MPZL1: variants seen among roughly 807,000 people sequenced by gnomAD.
The protein encoded by MPZL1 is myelin protein zero like 1, also known as myelin protein zero-like protein 1.
Under a neutral mutation model 29.3 loss-of-function variants are expected in MPZL1, and 16 were observed. That is an observed-to-expected ratio of 0.55 (90% CI 0.37 to 0.83). MPZL1 has a LOEUF of 0.83. MPZL1 is among the 40% of genes least tolerant of loss of function. The pLI, the probability that MPZL1 is intolerant of heterozygous loss-of-function variation, is 0.00. For synonymous variants in MPZL1, 143 were observed against 132.0 expected, an observed-to-expected ratio of 1.08 and a Z score of -0.57; for missense variants, 279 against 332.9, an observed-to-expected ratio of 0.84 and a Z score of 1.26.
chr1:167,752,566 T>C (rs1660780212), intron 1 of MPZL1, among the ~76,000 whole-genome samples: 1 of 152,220 alleles, frequency 6.6e-6, no homozygotes, highest in Non-Finnish European at 1.5e-5. Flanking sequence ...CAGTTGATAC[T>C]GTCTTTTAAA....
At chr1:167,769,392 T>G (rs538485127) in intron 2 of MPZL1, among the ~76,000 whole-genome samples, 3 of 152,214 alleles carry the variant, frequency 2.0e-5, no homozygotes, top group Non-Finnish European at 4.4e-5. Flanking sequence ...ACATGTCTTC[T>G]GCCCCTTGTA....
intron 5 of MPZL1, among the ~76,000 whole-genome samples, chr1:167,785,269 C>T (rs1259642491): frequency 6.6e-6 from 1 of 152,204 alleles, no homozygotes; most frequent in Non-Finnish European, 1.5e-5. Flanking sequence ...TACAGTCTAA[C>T]CATTGGCAGG....
chr1:167,741,492 A>C (rs1660524404), intron 1 of MPZL1, among the ~76,000 whole-genome samples: 1 of 150,704 alleles, frequency 6.6e-6, no homozygotes, highest in South Asian at 2.1e-4. Context: ...CGCCTGGCTA[A>C]TTTTTGTATT....
chr1:167,731,451 T>C (rs1660268223), intron 1 of MPZL1, among the ~76,000 whole-genome samples: 1 of 150,140 alleles, frequency 6.7e-6, no homozygotes, highest in East Asian at 2.0e-4. Context: ...TTTTTTTTTT[T>C]TTTGAGACGG....
chr1:167,727,282 A>T (rs1196114164), intron 1 of MPZL1, among the ~76,000 whole-genome samples: 1 of 152,216 alleles, frequency 6.6e-6, no homozygotes, highest in Non-Finnish European at 1.5e-5. Context: ...GAGCTAATAT[A>T]GTACAGCCAC....
rs551940750 is a variant in MPZL1, at chr1:167,738,109, A to G, written c.91+15867A>G. On this transcript the variant is annotated intron_variant, in intron 1 of 5. Transcript: ENST00000359523. ...CCCGGCTAATTTTTTGTATTTTTTT[A>G]GAGACGAGGTTCCACCGTGTTAGCT... 1.1e-4 allele frequency among the ~76,000 whole-genome samples: 16 copies of G among 152,060 alleles called. No individual in the cohort carries two copies. The South Asian group carries it at 3.3e-3, about 32-fold the overall frequency.
chr1:167,741,445 C>A (rs1329038281), intron 1 of MPZL1, among the ~76,000 whole-genome samples: 1 of 150,498 alleles, frequency 6.6e-6, no homozygotes, highest in African/African-American at 2.4e-5. Flanking sequence ...TGTGCCTCAG[C>A]CTCCTGAGTA....
chr1:167,760,086 A>G (rs1240315238), intron 1 of MPZL1, among the ~76,000 whole-genome samples: 1 of 152,184 alleles, frequency 6.6e-6, no homozygotes, highest in Non-Finnish European at 1.5e-5. Flanking sequence ...GGAGGCAGAC[A>G]CCAATTAGGA....
intron 1 of MPZL1, among the ~76,000 whole-genome samples, chr1:167,727,301 C>A (rs1208505466): frequency 6.6e-6 from 1 of 152,198 alleles, no homozygotes; most frequent in Non-Finnish European, 1.5e-5. Flanking sequence ...ACAGTCATGT[C>A]TCTACTGGAT....
At chr1:167,773,159 G>T (rs1272278021) in intron 3 of MPZL1, 77 bp from the exon 4 acceptor site, 1 of 1,453,394 alleles carries the variant, frequency 6.9e-7, no homozygotes, top group African/African-American at 1.4e-5. Flanking sequence ...GAAGATACTT[G>T]CTCGTTAATT....
At chr1:167,726,498 G>A (rs1338239950) in intron 1 of MPZL1, among the ~76,000 whole-genome samples, 1 of 152,182 alleles carries the variant, frequency 6.6e-6, no homozygotes, top group Non-Finnish European at 1.5e-5. Context: ...TGAGGCATAG[G>A]CATGTCTTGA....
chr1:167,761,385 A>T (rs562722173), intron 1 of MPZL1, among the ~76,000 whole-genome samples: 2 of 152,350 alleles, frequency 1.3e-5, no homozygotes, highest in East Asian at 3.9e-4. Flanking sequence ...GCAAGAGATG[A>T]GATGCAATGT....
intron 1 of MPZL1, among the ~76,000 whole-genome samples, chr1:167,752,766 C>T (rs3753931): frequency 0.3 from 45,975 of 151,954 alleles, 7,956 homozygotes; most frequent in African/African-American, 0.46. Flanking sequence ...TGACTGGGGT[C>T]AGGCATCCAT....
chr1:167,784,779 C>T (rs1661559192), intron 5 of MPZL1, among the ~76,000 whole-genome samples: 1 of 152,198 alleles, frequency 6.6e-6, no homozygotes, highest in South Asian at 2.1e-4. Flanking sequence ...AAGTCCCTGA[C>T]TTAAGACCTT....
In MPZL1 at chr1:167,787,869, A is replaced by C; in HGVS notation, c.758A>C (p.Asp253Ala). The C allele has an allele frequency of 1.2e-6, 2 of 1,613,928 alleles. No individual in the cohort carries two copies. The highest frequency in any genetic ancestry group is 1.1e-5 in the South Asian group (1 of 91,072). The change falls in exon 6 of 6, where the codon GAC becomes GCC. Residue 253 changes from aspartate to alanine, a missense_variant. By Grantham distance (126) the Asp-to-Ala change is moderately radical (BLOSUM62 -2). Coordinates refer to ENST00000359523, the MANE Select transcript of MPZL1 (RefSeq NM_003953.6). ...QLDHSGGHHS[D>A]KINKSESVVY... ...GACCACTCCGGCGGACATCACAGTG[A>C]CAAGATTAACAAGTCAGAGTCTGTG...
At chr1:167,741,698 G>T (rs1660530576) in intron 1 of MPZL1, among the ~76,000 whole-genome samples, 1 of 152,022 alleles carries the variant, frequency 6.6e-6, no homozygotes, top group Non-Finnish European at 1.5e-5. Flanking sequence ...ATAGCAGCAA[G>T]AACTATTTTA....
At chr1:167,729,297 T>C (rs973250358) in intron 1 of MPZL1, among the ~76,000 whole-genome samples, 3 of 151,870 alleles carry the variant, frequency 2.0e-5, no homozygotes, top group African/African-American at 7.3e-5. Flanking sequence ...AAAGATGCTG[T>C]TATTAAAATT....
rs1484511114 is a variant in MPZL1 at position 167,773,280 on chromosome 1, A to G, written c.517A>G (p.Thr173Ala). 1 of 1,613,530 alleles carries G rather than the reference A, an allele frequency of 6.2e-7. No individual in the cohort carries two copies. Among genetic ancestry groups the G allele is most frequent in the Non-Finnish European group, 8.5e-7 (1 of 1,179,468 alleles). ...FPVWVVVGIV[T>A]AVVLGLTLLI... is the part of the protein sequence containing the mutation. Reference sequence around the variant, plus strand: ...AGTTTGGGTAGTGGTGGGCATAGTTACTGCTGTGGTCCTAGGTCTCACTCT... The same window carrying G: ...AGTTTGGGTAGTGGTGGGCATAGTTGCTGCTGTGGTCCTAGGTCTCACTCT... The change falls in exon 4 of 6, where the codon ACT becomes GCT. Residue 173 changes from threonine (T) to alanine (A), a missense_variant. By Grantham distance (58) the Thr-to-Ala change is moderately conservative. Coordinates refer to ENST00000359523, the MANE Select transcript of MPZL1 (RefSeq NM_003953.6).
At chr1:167,724,069 A>G (rs1158799413) in intron 1 of MPZL1, among the ~76,000 whole-genome samples, 1 of 152,166 alleles carries the variant, frequency 6.6e-6, no homozygotes, top group Non-Finnish European at 1.5e-5. Context: ...AGCTGGGGCT[A>G]CAGGTGTGTG....
Sources: gnomAD v4.1 joint callset for allele counts (sites outside exome capture counted in the v4.1 genomes callset) on GRCh38, gnomAD v4.1.1 for gene constraint, MANE v1.5 for transcripts, NCBI Gene and HGNC (gene_info 2026-07-23, HGNC 2026-07-21) for gene names.